The following GLT1D1 variants were observed in gnomAD, a reference collection of about 807,000 sequenced individuals.
The protein encoded by GLT1D1 is glycosyltransferase 1 domain-containing protein 1.
In GLT1D1, 21 loss-of-function variants were observed where a neutral mutation model predicts 28.7. The ratio of observed to expected loss-of-function variants is 0.73; its 90% CI spans 0.52 to 1.05. GLT1D1 has a LOEUF of 1.05. Among genes scored for constraint, GLT1D1 ranks in the 50% least tolerant of loss-of-function variants. The pLI is 0.00. For synonymous variants in GLT1D1, 147 were observed against 124.8 expected (o/e 1.18, Z -1.19); for missense variants, 343 against 330.6 (o/e 1.04, Z -0.29).
At chr12:128,972,285 A>G (rs1197728186) in intron 7 of GLT1D1, among the ~76,000 whole-genome samples, 1 of 152,256 alleles carries the variant, frequency 6.6e-6, no homozygotes, top group Non-Finnish European at 1.5e-5. Context: ...CTCAGAGCCC[A>G]GGCTCCTTCC....
intron 1 of GLT1D1, among the ~76,000 whole-genome samples, chr12:128,864,572 C>T (rs11059987): frequency 0.078 from 11,922 of 152,090 alleles, 1,144 homozygotes; most frequent in African/African-American, 0.22. Context: ...GAGATGGAGA[C>T]GGTGAATGTG....
intron 4 of GLT1D1, among the ~76,000 whole-genome samples, chr12:128,906,123 A>C (rs1423322139): frequency 3.9e-5 from 6 of 152,118 alleles, no homozygotes; most frequent in Non-Finnish European, 7.4e-5. Context: ...TACAGGCGTG[A>C]GCGTCTGTGC....
In GLT1D1 at chr12:128,923,246, G is replaced by A. The variant is rs560798916; in HGVS notation, c.376-22080G>A. On this transcript the variant is annotated intron_variant, in intron 4 of 7. Coordinates refer to ENST00000281703, the MANE Select transcript of GLT1D1 (RefSeq NM_144669.3). Reference sequence around the variant, plus strand: ...AATTAAATAATGGACGAATGCCTGTGCTGGGAAAGAAAACCTTGAACCTGC... The same window carrying A: ...AATTAAATAATGGACGAATGCCTGTACTGGGAAAGAAAACCTTGAACCTGC... 2.6e-5 allele frequency among the ~76,000 whole-genome samples: 4 copies of A among 152,328 alleles called. No homozygotes were observed. In the East Asian group the frequency reaches 7.7e-4, roughly 29 times the overall value.
chr12:128,921,660 G>T (rs1872665486), intron 4 of GLT1D1, among the ~76,000 whole-genome samples: 1 of 151,994 alleles, frequency 6.6e-6, no homozygotes, highest in Admixed American at 6.6e-5. Context: ...TCCCAGGACG[G>T]GGGTAGTTGG....
chr12:128,890,425 G>A (rs775549514), intron 3 of GLT1D1, among the ~76,000 whole-genome samples: 2 of 152,104 alleles, frequency 1.3e-5, no homozygotes, highest in Non-Finnish European at 1.5e-5. Context: ...TGGATTAAAA[G>A]CCTTGATTAA....
chr12:128,918,563 A>C (rs1197506860), intron 4 of GLT1D1, among the ~76,000 whole-genome samples: 1 of 152,188 alleles, frequency 6.6e-6, no homozygotes, highest in Non-Finnish European at 1.5e-5. Flanking sequence ...TGAAAAGAAA[A>C]ATTTCCAAGC....
chr12:128,888,896 A>G, intron 3 of GLT1D1, 152 bp downstream of exon 3: 1 of 596,692 alleles, frequency 1.7e-6, no homozygotes, highest in Non-Finnish European at 3.0e-6. Flanking sequence ...CATTTGGTAC[A>G]TTTTTATTTG....
intron 2 of GLT1D1, among the ~76,000 whole-genome samples, chr12:128,884,796 C>T (rs749821179): frequency 2.2e-4 from 33 of 151,440 alleles, no homozygotes; most frequent in Admixed American, 3.9e-4. Flanking sequence ...CCTGGGTGAC[C>T]AAGTGAGACT....
At chr12:128,920,799 T>C (rs1872593084) in intron 4 of GLT1D1, among the ~76,000 whole-genome samples, 1 of 152,198 alleles carries the variant, frequency 6.6e-6, no homozygotes, top group African/African-American at 2.4e-5. Context: ...GGAAAGACAT[T>C]TGTTAAGTGA....
intron 3 of GLT1D1, among the ~76,000 whole-genome samples, chr12:128,893,077 T>G (rs1398046364): frequency 6.6e-6 from 1 of 152,078 alleles, no homozygotes; most frequent in East Asian, 1.9e-4. Flanking sequence ...AAACTCCGTC[T>G]TCACTAAAAA....
At chr12:128,932,935 G>T (rs563515093) in intron 4 of GLT1D1, among the ~76,000 whole-genome samples, 52 of 152,316 alleles carry the variant, frequency 3.4e-4, no homozygotes, top group African/African-American at 1.2e-3. Flanking sequence ...ACGTTTCTAA[G>T]GTCTCGCGGA....
At chr12:128,867,134 C>G (rs1447445176) in intron 1 of GLT1D1, among the ~76,000 whole-genome samples, 1 of 151,602 alleles carries the variant, frequency 6.6e-6, no homozygotes, top group Non-Finnish European at 1.5e-5. Flanking sequence ...TGGCTCACGC[C>G]TGTAATCCCA....
chr12:128,867,640 A>G (rs945586634), intron 1 of GLT1D1, among the ~76,000 whole-genome samples: 3 of 152,140 alleles, frequency 2.0e-5, no homozygotes, highest in African/African-American at 7.2e-5. Context: ...GGGGTCCCCC[A>G]GCAGGCGCCA....
chr12:128,955,885 G>A (rs1877221051), intron 6 of GLT1D1, among the ~76,000 whole-genome samples: 1 of 151,762 alleles, frequency 6.6e-6, no homozygotes, highest in Non-Finnish European at 1.5e-5. Flanking sequence ...GGTGCTTTGG[G>A]ATTTGGGGAC....
rs566006972 is a variant in GLT1D1, at chr12:128,974,911, A to G, written c.640-8018A>G. Among the ~76,000 whole-genome samples the G allele has an allele frequency of 2.6e-5, 4 of 152,328 alleles. No homozygotes were observed. In the East Asian group the frequency reaches 7.7e-4, roughly 29 times the overall value. ...GCCAGAGGCCAGCTCTCTCTTCGCT[A>G]AAGAAGTGTTGAAGAAAGAAGCATT... On this transcript the variant is annotated intron_variant, in intron 7 of 7. Transcript: ENST00000281703.
At chr12:128,943,365 T>G (rs368671664) in intron 4 of GLT1D1, among the ~76,000 whole-genome samples, 2 of 152,218 alleles carry the variant, frequency 1.3e-5, no homozygotes, top group South Asian at 2.1e-4. Context: ...CTTTTTTTTT[T>G]TTGGCAGGGA....
At chr12:128,907,178 C>A (rs1216012862) in intron 4 of GLT1D1, among the ~76,000 whole-genome samples, 1 of 152,160 alleles carries the variant, frequency 6.6e-6, no homozygotes, top group African/African-American at 2.4e-5. Context: ...GAGTTCCCAC[C>A]CTCCTGGAAA....
At chr12:128,960,854 AG>A (rs1877869743) in intron 7 of GLT1D1, among the ~76,000 whole-genome samples, 2 of 152,208 alleles carry the variant, frequency 1.3e-5, no homozygotes, top group African/African-American at 4.8e-5. Context: ...CGTCAGCCTT[AG>A]TTATGTACAT....
intron 7 of GLT1D1, among the ~76,000 whole-genome samples, chr12:128,965,723 A>AG: frequency 7.2e-6 from 1 of 138,440 alleles, no homozygotes; most frequent in Admixed American, 7.8e-5. Flanking sequence ...AAAAAAAAAA[A>AG]AAAAAAAAAA....
Sources: gnomAD v4.1 joint callset for allele counts (sites outside exome capture counted in the v4.1 genomes callset) on GRCh38, gnomAD v4.1.1 for gene constraint, MANE v1.5 for transcripts, NCBI Gene and HGNC (gene_info 2026-07-23, HGNC 2026-07-21) for gene names.